Variants in KCNJ3 observed in about 807,000 individuals in gnomAD.
KCNJ3 encodes the protein potassium inwardly rectifying channel subfamily J member 3.
KCNJ3 carries 4 observed loss-of-function variants against 39.2 expected under a neutral mutation model. The observed-to-expected ratio is 0.10, with a 90% CI of 0.05 to 0.23. KCNJ3 has a LOEUF of 0.23. KCNJ3 is among the 10% of genes least tolerant of loss of function. The pLI is 1.00. For missense variants in KCNJ3, 276 were observed against 634.9 expected (o/e 0.43, Z 6.08); for synonymous variants, 230 against 237.4 (o/e 0.97, Z 0.29).
intron 1 of KCNJ3, among the ~76,000 whole-genome samples, chr2:154,705,568 A>G (rs1453377998): frequency 6.6e-6 from 1 of 152,142 alleles, no homozygotes; most frequent in Non-Finnish European, 1.5e-5. Context: ...CTTCTTTGAA[A>G]TTAGTATAAA....
chr2:154,743,784 A>G lies in KCNJ3; in HGVS notation c.919+33965A>G, dbSNP rs372241825. 1.1e-4 allele frequency among the ~76,000 whole-genome samples: 16 copies of G among 151,074 alleles called. No homozygotes were observed. The East Asian group carries it at 3.1e-3, about 29-fold the overall frequency. On this transcript the variant is annotated intron_variant, in intron 2 of 2. Coordinates refer to ENST00000295101, the MANE Select transcript of KCNJ3 (RefSeq NM_002239.4). Reference sequence around the variant, plus strand: ...ATGCAATCTCCAAAAAAGCAGTTTTATTTTTCTCTTTTCAACATGAACACA... The same window carrying G: ...ATGCAATCTCCAAAAAAGCAGTTTTGTTTTTCTCTTTTCAACATGAACACA...
intron 2 of KCNJ3, among the ~76,000 whole-genome samples, chr2:154,793,689 T>C (rs1686674400): frequency 6.6e-6 from 1 of 152,080 alleles, no homozygotes; most frequent in African/African-American, 2.4e-5. Context: ...TAGAAGTTTC[T>C]GATAAACACA....
At chr2:154,710,356 C>A (rs947046113) in intron 2 of KCNJ3, among the ~76,000 whole-genome samples, 26 of 151,988 alleles carry the variant, frequency 1.7e-4, no homozygotes, top group Non-Finnish European at 2.9e-4. Flanking sequence ...CCCAGCTGAA[C>A]CTTGACCAAA....
chr2:154,712,228 T>C (rs561452084), intron 2 of KCNJ3, among the ~76,000 whole-genome samples: 1 of 152,304 alleles, frequency 6.6e-6, no homozygotes, highest in East Asian at 1.9e-4. Flanking sequence ...AAAGACATTC[T>C]TATGTCCATT....
chr2:154,769,968 A>C (rs978169503), intron 2 of KCNJ3, among the ~76,000 whole-genome samples: 2 of 152,178 alleles, frequency 1.3e-5, no homozygotes, highest in Non-Finnish European at 2.9e-5. Context: ...TTTCAGTAAA[A>C]AATTCAAGCC....
intron 2 of KCNJ3, among the ~76,000 whole-genome samples, chr2:154,849,162 C>T (rs1367133348): frequency 6.6e-6 from 1 of 152,066 alleles, no homozygotes; most frequent in Non-Finnish European, 1.5e-5. Context: ...TCAGTTTCCA[C>T]CTCTAGAAAA....
intron 2 of KCNJ3, among the ~76,000 whole-genome samples, chr2:154,838,191 G>C (rs1208545170): frequency 6.6e-6 from 1 of 152,190 alleles, no homozygotes; most frequent in Non-Finnish European, 1.5e-5. Flanking sequence ...CGTCAGCCTT[G>C]AATGTGAGGA....
chr2:154,794,465 T>A (rs1686686303), intron 2 of KCNJ3, among the ~76,000 whole-genome samples: 1 of 152,044 alleles, frequency 6.6e-6, no homozygotes, highest in South Asian at 2.1e-4. Context: ...TTTAAGATTC[T>A]CCAAATTGAA....
At chr2:154,783,667 A>T (rs1166944019) in intron 2 of KCNJ3, among the ~76,000 whole-genome samples, 4 of 152,208 alleles carry the variant, frequency 2.6e-5, no homozygotes, top group African/African-American at 9.7e-5. Flanking sequence ...AGGCACAAAG[A>T]GGTGAAATAA....
intron 2 of KCNJ3, among the ~76,000 whole-genome samples, chr2:154,801,462 C>T (rs1325183402): frequency 6.6e-6 from 1 of 151,686 alleles, no homozygotes. Context: ...GCCTGGAAGG[C>T]CCCCTTCCTC....
chr2:154,713,213 TC>T (rs1685129215), intron 2 of KCNJ3, among the ~76,000 whole-genome samples: 2 of 152,086 alleles, frequency 1.3e-5, no homozygotes. Context: ...CAACAAAAAA[TC>T]CACTTTTTAC....
At chr2:154,837,026 G>A (rs973816943) in intron 2 of KCNJ3, among the ~76,000 whole-genome samples, 15 of 152,116 alleles carry the variant, frequency 9.9e-5, no homozygotes, top group African/African-American at 3.4e-4. Context: ...ATAGTTACAC[G>A]AGGGATAGAA....
intron 2 of KCNJ3, among the ~76,000 whole-genome samples, chr2:154,721,052 C>G (rs1037731263): frequency 2.6e-4 from 2 of 7,764 alleles, no homozygotes; most frequent in South Asian, 0.071. Context: ...TTCCCAGTGG[C>G]CTTTTAAAAA....
intron 2 of KCNJ3, among the ~76,000 whole-genome samples, chr2:154,842,344 A>T (rs1324000768): frequency 6.6e-6 from 1 of 152,162 alleles, no homozygotes; most frequent in Non-Finnish European, 1.5e-5. Context: ...TTTGCTGAGG[A>T]GTGCTTTACT....
At chr2:154,822,196 C>T (rs1009591571) in intron 2 of KCNJ3, among the ~76,000 whole-genome samples, 4 of 152,092 alleles carry the variant, frequency 2.6e-5, no homozygotes, top group African/African-American at 7.2e-5. Flanking sequence ...CAAATGAACA[C>T]GAGCAGGTTT....
chr2:154,817,785 C>T (rs528836638), intron 2 of KCNJ3, among the ~76,000 whole-genome samples: 1 of 152,232 alleles, frequency 6.6e-6, no homozygotes, highest in East Asian at 1.9e-4. Context: ...CCCATTCATC[C>T]CCTTTAATTC....
Position 154,748,304 on chromosome 2 carries a change from T to C in KCNJ3, c.919+38485T>C, listed in dbSNP as rs528830291. ...ATCACTTGATTTATTTCCTTCTCTC[T>C]TTCATGTGCTAGGGATATAGTGGCC... is the stretch of plus-strand genomic sequence containing the variant. On this transcript the variant is annotated intron_variant, in intron 2 of 2. Transcript: ENST00000295101. 1.8e-3 allele frequency among the ~76,000 whole-genome samples: 267 copies of C among 152,174 alleles called. 11 individuals are homozygous for C. The South Asian group carries it at 0.054, about 31-fold the overall frequency.
At chr2:154,804,553 A>G (rs1038772527) in intron 2 of KCNJ3, among the ~76,000 whole-genome samples, 2 of 152,144 alleles carry the variant, frequency 1.3e-5, no homozygotes, top group Admixed American at 6.6e-5. Context: ...ATTCCTATTG[A>G]ATTTTCTGCT....
At chr2:154,719,788 T>C (rs1257982454) in intron 2 of KCNJ3, among the ~76,000 whole-genome samples, 1 of 152,132 alleles carries the variant, frequency 6.6e-6, no homozygotes, top group African/African-American at 2.4e-5. Context: ...TTTCCAAAGT[T>C]AACAGAGATT....
Sources: allele counts gnomAD v4.1 joint callset (sites outside exome capture counted in the v4.1 genomes callset), GRCh38; gene constraint gnomAD v4.1.1; transcripts MANE v1.5; gene names NCBI Gene and HGNC (gene_info 2026-07-23, HGNC 2026-07-21).